The following NAALADL2 variants were observed in gnomAD, a reference collection of about 807,000 sequenced individuals.
The protein encoded by NAALADL2 is N-acetylated alpha-linked acidic dipeptidase like 2.
A neutral mutation model predicts 87.2 loss-of-function variants in NAALADL2; 76 were observed. That is an observed-to-expected ratio of 0.87 (90% CI 0.72 to 1.05). The LOEUF is 1.05. Among genes scored for constraint, NAALADL2 ranks in the 50% least tolerant of loss-of-function variants. The pLI, the probability that NAALADL2 is intolerant of heterozygous loss-of-function variation, is 0.00. For missense variants in NAALADL2, 1,089 were observed against 945.8 expected, an observed-to-expected ratio of 1.15 and a Z score of -1.99; for synonymous variants, 354 against 331.0, an observed-to-expected ratio of 1.07 and a Z score of -0.75.
At chr3:175,324,451 A>T in intron 5 of NAALADL2, 126 bp downstream of exon 5, 1 of 739,506 alleles carries the variant, frequency 1.4e-6, no homozygotes, top group East Asian at 3.1e-5. Context: ...TTATTATTTT[A>T]AAAAGCAATT....
At chr3:175,128,107 A>G (rs1456742344) in intron 2 of NAALADL2, among the ~76,000 whole-genome samples, 1 of 152,190 alleles carries the variant, frequency 6.6e-6, no homozygotes, top group Non-Finnish European at 1.5e-5. Flanking sequence ...TAAGTAATAT[A>G]GAAGGTTGTC....
chr3:175,002,932 C>T (rs575579962), intron 1 of NAALADL2, among the ~76,000 whole-genome samples: 2 of 152,240 alleles, frequency 1.3e-5, no homozygotes, highest in East Asian at 3.9e-4. Flanking sequence ...ACCTTGCATC[C>T]TCACTCTTTC....
chr3:175,293,991 ACACAGTGCCAAG>A (rs1297211676), intron 4 of NAALADL2, among the ~76,000 whole-genome samples: 2 of 152,194 alleles, frequency 1.3e-5, no homozygotes, highest in Non-Finnish European at 2.9e-5. Flanking sequence ...GTGCAAAGCC[ACACAGTGCCAAG>A]CACAGTGCCT....
chr3:175,140,470 G>A (rs919295316), intron 2 of NAALADL2, among the ~76,000 whole-genome samples: 2 of 152,058 alleles, frequency 1.3e-5, no homozygotes, highest in South Asian at 2.1e-4. Context: ...ACATAAAAGG[G>A]ACACATAACA....
chr3:174,804,053 C>T (rs891482503), intron 3 of NAALADL2, among the ~76,000 whole-genome samples: 1 of 152,028 alleles, frequency 6.6e-6, no homozygotes, highest in Non-Finnish European at 1.5e-5. Flanking sequence ...TATAAATTAC[C>T]TGGAGTGGTA....
intron 1 of NAALADL2, among the ~76,000 whole-genome samples, chr3:174,508,114 G>GTTTTTTGTTTT (rs1553775287): frequency 1.9e-5 from 2 of 103,884 alleles, no homozygotes; most frequent in Non-Finnish European, 3.9e-5. Flanking sequence ...ATATCTAGTG[G>GTTTTTTGTTTT]TTTTTTTTTT....
intron 12 of NAALADL2, among the ~76,000 whole-genome samples, chr3:175,738,000 A>T (rs1262453893): frequency 6.6e-6 from 1 of 151,952 alleles, no homozygotes; most frequent in Admixed American, 6.5e-5. Flanking sequence ...ATCTACATAC[A>T]AATCTTTCAA....
chr3:175,807,755 TTTTA>T lies in NAALADL2; in HGVS notation c.*4556_*4559del, dbSNP rs768181472. 9 of 151,884 alleles carry T rather than the reference TTTTA, an allele frequency of 5.9e-5. No individual in the cohort carries two copies. The highest frequency in any genetic ancestry group is 1.3e-4 in the Non-Finnish European group (9 of 67,876). The allele number at this position is 151,884 out of a possible 1,614,324, so 9.4% of individuals were successfully genotyped here. The stretch of plus-strand genomic sequence containing the variant: ...ATTCTGCCCAGCCACACTGGTGAGT[TTTTA>T]TTTCTTGTATGAGTTTAAATTGCCA... On this transcript the variant is annotated 3_prime_UTR_variant, in exon 14 of 14. Transcript: ENST00000454872.
intron 1 of NAALADL2, among the ~76,000 whole-genome samples, chr3:174,897,469 T>A (rs78615960): frequency 0.016 from 2,321 of 149,518 alleles, 54 homozygotes; most frequent in African/African-American, 0.053. Flanking sequence ...ACTAGAGATA[T>A]AATTTCACCT....
At chr3:175,584,349 T>G (rs1414386133) in intron 10 of NAALADL2, among the ~76,000 whole-genome samples, 1 of 151,016 alleles carries the variant, frequency 6.6e-6, no homozygotes, top group Admixed American at 6.6e-5. Flanking sequence ...CTGTTATCAC[T>G]TTTATTATAG....
chr3:174,621,293 AT>A (rs1396468819), intron 2 of NAALADL2, among the ~76,000 whole-genome samples: 2 of 152,036 alleles, frequency 1.3e-5, no homozygotes, highest in Admixed American at 1.3e-4. Flanking sequence ...CAAGAGGAAA[AT>A]TTTTTATCGC....
At chr3:175,464,931 G>A (rs1199357308) in intron 7 of NAALADL2, among the ~76,000 whole-genome samples, 2 of 152,064 alleles carry the variant, frequency 1.3e-5, no homozygotes, top group African/African-American at 4.8e-5. Flanking sequence ...AGTTGTTATT[G>A]GAAAACCCAG....
chr3:175,475,076 A>G (rs182835668), intron 9 of NAALADL2, among the ~76,000 whole-genome samples: 1 of 150,474 alleles, frequency 6.6e-6, no homozygotes. Context: ...TGTGTATTAT[A>G]TATTATATAT....
At chr3:175,704,016 T>C (rs1407415725) in intron 11 of NAALADL2, among the ~76,000 whole-genome samples, 1 of 152,164 alleles carries the variant, frequency 6.6e-6, no homozygotes, top group Non-Finnish European at 1.5e-5. Context: ...TAAATGGGTA[T>C]GGATTCTTGG....
intron 1 of NAALADL2, among the ~76,000 whole-genome samples, chr3:174,901,609 T>C (rs1312545921): frequency 6.6e-6 from 1 of 151,832 alleles, no homozygotes; most frequent in Admixed American, 6.6e-5. Flanking sequence ...ATAAGCTGAG[T>C]TTTTTTTCAG....
At chr3:174,929,185 T>C (rs1451004740) in intron 1 of NAALADL2, among the ~76,000 whole-genome samples, 1 of 152,078 alleles carries the variant, frequency 6.6e-6, no homozygotes, top group Non-Finnish European at 1.5e-5. Flanking sequence ...GGGCAGTGTA[T>C]AGGAATACGT....
At chr3:174,637,154 T>C (rs963474479) in intron 2 of NAALADL2, among the ~76,000 whole-genome samples, 20 of 152,072 alleles carry the variant, frequency 1.3e-4, no homozygotes, top group African/African-American at 3.6e-4. Context: ...GAATGATAGA[T>C]ACCAGACAGG....
intron 5 of NAALADL2, among the ~76,000 whole-genome samples, chr3:175,413,901 C>T (rs1238460824): frequency 6.6e-6 from 1 of 152,106 alleles, no homozygotes; most frequent in Admixed American, 6.6e-5. Flanking sequence ...CTGGAGTATA[C>T]TATTGTTGTT....
intron 1 of NAALADL2, among the ~76,000 whole-genome samples, chr3:174,989,554 G>A (rs1297782341): frequency 6.6e-6 from 1 of 152,124 alleles, no homozygotes; most frequent in Non-Finnish European, 1.5e-5. Flanking sequence ...TTGTTGGTAG[G>A]TAGGGACAAA....
Sources: gnomAD v4.1 joint callset for allele counts (sites outside exome capture counted in the v4.1 genomes callset) on GRCh38, gnomAD v4.1.1 for gene constraint, MANE v1.5 for transcripts, NCBI Gene and HGNC (gene_info 2026-07-23, HGNC 2026-07-21) for gene names.